The following PYGO1 variants were observed in gnomAD, a reference collection of about 807,000 sequenced individuals.
PYGO1 encodes pygopus homolog 1.
In PYGO1, 6 loss-of-function variants were observed where a neutral mutation model predicts 29.5. The observed-to-expected ratio is 0.20, with a 90% CI of 0.11 to 0.40. PYGO1 has a LOEUF of 0.40. Among genes scored for constraint, PYGO1 ranks in the 10% least tolerant of loss-of-function variants. The pLI is 1.00. For missense variants in PYGO1, 515 were observed against 514.9 expected (o/e 1.00, Z 0.00); for synonymous variants, 186 against 180.5 (o/e 1.03, Z -0.24).
At chr15:55,585,649 G>A (rs2141681452) in intron 1 of PYGO1, among the ~76,000 whole-genome samples, 1 of 152,226 alleles carries the variant, frequency 6.6e-6, no homozygotes, top group South Asian at 2.1e-4. Context: ...AACCCCAATA[G>A]CTACGCCATA....
intron 1 of PYGO1, among the ~76,000 whole-genome samples, chr15:55,568,762 C>T (rs998342367): frequency 5.3e-5 from 8 of 151,988 alleles, no homozygotes; most frequent in African/African-American, 1.7e-4. Flanking sequence ...GAAGTATGTT[C>T]GTTCGATGCC....
At position 55,546,450 on chromosome 15, in the gene PYGO1, C is replaced by T. The variant is rs200070647; in HGVS notation, c.833G>A (p.Arg278Gln). 86 of 1,613,956 alleles carry T rather than the reference C, an allele frequency of 5.3e-5. No homozygotes were observed. The highest frequency in any genetic ancestry group is 1.2e-4 in the South Asian group (11 of 91,086). The change falls in exon 3 of 3, where the codon CGA becomes CAA. Residue 278 changes from arginine to glutamine, a missense_variant. Coordinates refer to ENST00000563719, the MANE Select transcript of PYGO1 (RefSeq NM_001367806.1). ...QSNIELKNVNRNNAVNQENSR... is the reference protein window; with the variant it reads ...QSNIELKNVNQNNAVNQENSR... Reference sequence around the variant, plus strand: ...GTTCTCCTGATTTACTGCATTGTTTCGATTAACATTTTTTAATTCAATATT... The same window carrying T: ...GTTCTCCTGATTTACTGCATTGTTTTGATTAACATTTTTTAATTCAATATT...
rs1288990328 is a variant in PYGO1, at chr15:55,553,355, C to A, written c.50-4360G>T. Among the ~76,000 whole-genome samples the A allele has an allele frequency of 2.0e-5, 3 of 152,050 alleles. No homozygotes were observed. The East Asian group carries it at 5.8e-4, about 29-fold the overall frequency. On this transcript the variant is annotated intron_variant, in intron 1 of 2. Coordinates refer to ENST00000563719, the MANE Select transcript of PYGO1 (RefSeq NM_001367806.1). Reference sequence around the variant, plus strand: ...AGTCTGGACAAAGAAGGATTCCCCCCAGTGCAGTACAACTGCTCTATCAAA... The same window carrying A: ...AGTCTGGACAAAGAAGGATTCCCCCAAGTGCAGTACAACTGCTCTATCAAA...
intron 1 of PYGO1, among the ~76,000 whole-genome samples, chr15:55,561,901 T>A (rs1269262547): frequency 2.6e-5 from 4 of 152,028 alleles, no homozygotes; most frequent in African/African-American, 9.7e-5. Context: ...GAAACTATCA[T>A]CAGAGTGAAC....
intron 1 of PYGO1, among the ~76,000 whole-genome samples, chr15:55,586,706 T>G (rs928772921): frequency 2.6e-5 from 4 of 152,236 alleles, no homozygotes; most frequent in Non-Finnish European, 5.9e-5. Flanking sequence ...CAGAGACTGC[T>G]CTTCCCACGT....
At chr15:55,572,162 T>C (rs1301989766) in intron 1 of PYGO1, among the ~76,000 whole-genome samples, 1 of 152,208 alleles carries the variant, frequency 6.6e-6, no homozygotes, top group Non-Finnish European at 1.5e-5. Context: ...CCTGATTTCA[T>C]ACTATATGAC....
chr15:55,562,039 A>T (rs1345513320), intron 1 of PYGO1, among the ~76,000 whole-genome samples: 1 of 152,184 alleles, frequency 6.6e-6, no homozygotes, highest in East Asian at 1.9e-4. Flanking sequence ...AAGGACATGA[A>T]CAGACACTTC....
At position 55,574,918 on chromosome 15, in the gene PYGO1, T is replaced by C. The variant is rs910262999; in HGVS notation, c.49+12917A>G. Among the ~76,000 whole-genome samples the C allele has an allele frequency of 2.6e-5, 4 of 152,170 alleles. No individual in the cohort carries two copies. In the South Asian group the frequency reaches 6.2e-4, roughly 24 times the overall value. ...CTAAGAAAATTTCCACAATACCAGA[T>C]TGTTACAAAACTGAAGGGAAGAGGA... On this transcript the variant is annotated intron_variant, in intron 1 of 2. Transcript: ENST00000563719.
chr15:55,569,157 T>C (rs78537523), intron 1 of PYGO1, among the ~76,000 whole-genome samples: 2,486 of 152,206 alleles, frequency 0.016, 55 homozygotes, highest in East Asian at 0.055. Flanking sequence ...TTTTTTAGAA[T>C]AGTAGAATTG....
At chr15:55,575,827 T>A (rs181238343) in intron 1 of PYGO1, among the ~76,000 whole-genome samples, 1 of 152,316 alleles carries the variant, frequency 6.6e-6, no homozygotes, top group African/African-American at 2.4e-5. Context: ...GAGGTATTAA[T>A]ACCAGCTTAA....
At chr15:55,551,744 C>A (rs752538543) in intron 1 of PYGO1, among the ~76,000 whole-genome samples, 7 of 151,976 alleles carry the variant, frequency 4.6e-5, no homozygotes, top group Non-Finnish European at 1.0e-4. Flanking sequence ...GGGTTGGAGG[C>A]TGCAGTGAGC....
intron 1 of PYGO1, among the ~76,000 whole-genome samples, chr15:55,574,180 T>C (rs1357981813): frequency 6.6e-6 from 1 of 152,246 alleles, no homozygotes; most frequent in African/African-American, 2.4e-5. Flanking sequence ...TTTACTGTGA[T>C]GTGCAATTTA....
At chr15:55,560,676 C>A (rs894373250) in intron 1 of PYGO1, among the ~76,000 whole-genome samples, 1 of 152,110 alleles carries the variant, frequency 6.6e-6, no homozygotes, top group Non-Finnish European at 1.5e-5. Flanking sequence ...TTAGAAAACA[C>A]TACTAGCTGG....
intron 1 of PYGO1, among the ~76,000 whole-genome samples, chr15:55,574,688 T>C (rs1449725338): frequency 2.0e-5 from 3 of 152,030 alleles, no homozygotes; most frequent in South Asian, 2.1e-4. Flanking sequence ...TACGTAAACA[T>C]ATCTTCAAAG....
chr15:55,570,598 A>C (rs948161893), intron 1 of PYGO1, among the ~76,000 whole-genome samples: 6 of 151,948 alleles, frequency 3.9e-5, no homozygotes, highest in Non-Finnish European at 8.8e-5. Context: ...CTTGTTATAA[A>C]ATTTTAAATA....
intron 1 of PYGO1, among the ~76,000 whole-genome samples, chr15:55,561,909 AACAG>A (rs1379945251): frequency 6.6e-6 from 1 of 152,234 alleles, no homozygotes; most frequent in East Asian, 1.9e-4. Context: ...CATCAGAGTG[AACAG>A]ACAACCTACA....
In PYGO1 at chr15:55,547,008, C is replaced by T; in HGVS notation, c.275G>A (p.Gly92Asp). ...KPLPSSNPYL[G>D]PGYPGFGGYS... ...GCCTCCAAAGCCAGGATAACCAGGG[C>T]CAAGATATGGATTTGACGAAGGTAG... Residue 92 changes from glycine to aspartate, a missense_variant, in exon 3 of 3, where the codon GGC (glycine) becomes GAC (aspartate). Coordinates refer to ENST00000563719, the MANE Select transcript of PYGO1 (RefSeq NM_001367806.1). 6.2e-7 allele frequency: 1 copy of T among 1,613,608 alleles called. No individual in the cohort carries two copies. The highest frequency in any genetic ancestry group is 1.1e-5 in the South Asian group (1 of 91,050).
intron 1 of PYGO1, among the ~76,000 whole-genome samples, chr15:55,549,793 T>C (rs76443046): frequency 0.055 from 8,303 of 152,282 alleles, 280 homozygotes; most frequent in Middle Eastern, 0.068. Flanking sequence ...TTTCCAGCTT[T>C]AAGAAACATT....
In PYGO1 at chr15:55,539,107, C is replaced by T. The variant is rs2058818603; in HGVS notation, c.*6916G>A. ...ACAATAACATGGACTGTCTTGACAG[C>T]AGAACGTCTACTTGTCTTCTTACTT... On this transcript the variant is annotated 3_prime_UTR_variant, in exon 3 of 3. Coordinates refer to ENST00000563719, the MANE Select transcript of PYGO1 (RefSeq NM_001367806.1). 6.6e-6 allele frequency: 1 copy of T among 152,162 alleles called. No individual in the cohort carries two copies. Among genetic ancestry groups the T allele is most frequent in the African/African-American group, 2.4e-5 (1 of 41,450 alleles). 9.4% of individuals were successfully genotyped at this position (152,162 alleles called of 1,614,324 possible).
Sources: gnomAD v4.1 joint callset for allele counts (sites outside exome capture counted in the v4.1 genomes callset) on GRCh38, gnomAD v4.1.1 for gene constraint, MANE v1.5 for transcripts, NCBI Gene and HGNC (gene_info 2026-07-23, HGNC 2026-07-21) for gene names.